Variants in NR3C2 observed in about 807,000 individuals in gnomAD.
The protein encoded by NR3C2 is mineralocorticoid receptor.
Under a neutral mutation model 86.4 loss-of-function variants are expected in NR3C2, and 15 were observed. That is an observed-to-expected ratio of 0.17 (90% CI 0.12 to 0.27). The LOEUF (loss-of-function observed/expected upper bound fraction) is 0.27, where lower values mean the gene tolerates loss of function less well. NR3C2 is among the 10% of genes least tolerant of loss of function. NR3C2 has a pLI of 1.00. For synonymous variants in NR3C2, 458 were observed against 450.5 expected (o/e 1.02, Z -0.21); for missense variants, 960 against 1,195.6 (o/e 0.80, Z 2.91).
chr4:148,305,348 A>G (rs1007484190), intron 2 of NR3C2, among the ~76,000 whole-genome samples: 29 of 152,172 alleles, frequency 1.9e-4, no homozygotes, highest in African/African-American at 6.8e-4. Flanking sequence ...AAAAAGCAGC[A>G]ACAGTCAGCC....
intron 4 of NR3C2, among the ~76,000 whole-genome samples, chr4:148,159,415 C>T (rs1578954703): frequency 6.6e-6 from 1 of 152,008 alleles, no homozygotes; most frequent in East Asian, 1.9e-4. Flanking sequence ...CTTAAAATAC[C>T]GTATCTAAAA....
At chr4:148,321,472 G>C (rs1743584652) in intron 2 of NR3C2, among the ~76,000 whole-genome samples, 3 of 151,832 alleles carry the variant, frequency 2.0e-5, no homozygotes, top group Admixed American at 1.3e-4. Context: ...AATGTTGACA[G>C]TGGGGTGTTA....
chr4:148,193,064 C>A (rs1179727560), intron 4 of NR3C2, among the ~76,000 whole-genome samples: 1 of 152,176 alleles, frequency 6.6e-6, no homozygotes, highest in African/African-American at 2.4e-5. Context: ...GGAGTTTTAC[C>A]CCCTGCTCCT....
chr4:148,271,893 A>T (rs1485442951), intron 2 of NR3C2, among the ~76,000 whole-genome samples: 1 of 152,088 alleles, frequency 6.6e-6, no homozygotes, highest in Non-Finnish European at 1.5e-5. Context: ...GCTAACTAGT[A>T]CCTCCCTCTT....
At chr4:148,283,999 T>C (rs1287334528) in intron 2 of NR3C2, among the ~76,000 whole-genome samples, 1 of 152,162 alleles carries the variant, frequency 6.6e-6, no homozygotes, top group Non-Finnish European at 1.5e-5. Context: ...CAGGAAAGAT[T>C]TTCTTGACCT....
At chr4:148,444,075 C>T, upstream of NR3C2, 1 of 985,418 alleles carries the variant, frequency 1.0e-6, no homozygotes, top group Non-Finnish European at 1.2e-6. Flanking sequence ...GCGCACTCTC[C>T]CGGCCCAGCG....
intron 4 of NR3C2, among the ~76,000 whole-genome samples, chr4:148,176,280 G>A (rs1470997397): frequency 2.6e-5 from 4 of 152,214 alleles, no homozygotes; most frequent in Non-Finnish European, 5.9e-5. Context: ...AGTTCAGGGA[G>A]CAACTCTGTC....
intron 2 of NR3C2, among the ~76,000 whole-genome samples, chr4:148,394,039 ACTC>A (rs1747729822): frequency 6.6e-6 from 1 of 151,968 alleles, no homozygotes; most frequent in South Asian, 2.1e-4. Context: ...CTCTTTGAAT[ACTC>A]CTGCTGCCAT....
rs1743938014 is a variant in NR3C2, at chr4:148,325,844, A to G, written c.1758-65727T>C. On this transcript the variant is annotated intron_variant, in intron 2 of 8. Coordinates refer to ENST00000358102, the MANE Select transcript of NR3C2 (RefSeq NM_000901.5). ...GAATCCTTACAGTAGATGTTATCCA[A>G]TATCTTGTTTTATTTTTTCCATTAA... is the stretch of plus-strand genomic sequence containing the variant. Among the ~76,000 whole-genome samples, 6 of 152,098 alleles carry G rather than the reference A, an allele frequency of 3.9e-5. 1 individual carries two copies. In the South Asian group the frequency reaches 1.2e-3, roughly 32 times the overall value.
chr4:148,140,460 G>A (rs148193139), intron 6 of NR3C2, among the ~76,000 whole-genome samples: 64 of 152,310 alleles, frequency 4.2e-4, no homozygotes, highest in African/African-American at 1.3e-3. Context: ...CCTGAGCCCA[G>A]GAGATTGAGG....
chr4:148,323,128 A>G (rs534375940), intron 2 of NR3C2, among the ~76,000 whole-genome samples: 135 of 149,682 alleles, frequency 9.0e-4, no homozygotes, highest in East Asian at 2.8e-3. Flanking sequence ...GTCTGTTGGA[A>G]TACCCTGCCC....
chr4:148,236,328 T>C (rs1738749337), intron 3 of NR3C2, among the ~76,000 whole-genome samples: 2 of 152,226 alleles, frequency 1.3e-5, no homozygotes, highest in South Asian at 2.1e-4. Context: ...GTGTCAGCTC[T>C]AGAAATCAGC....
intron 2 of NR3C2, among the ~76,000 whole-genome samples, chr4:148,343,680 A>G (rs1744859218): frequency 6.6e-6 from 1 of 152,126 alleles, no homozygotes; most frequent in African/African-American, 2.4e-5. Context: ...AACTCCCCCT[A>G]AGAATCATTT....
At chr4:148,323,588 G>A (rs1411507702) in intron 2 of NR3C2, among the ~76,000 whole-genome samples, 1 of 151,946 alleles carries the variant, frequency 6.6e-6, no homozygotes, top group Non-Finnish European at 1.5e-5. Flanking sequence ...GTGGTGCGCC[G>A]TTTTTTCAGC....
chr4:148,225,032 C>G (rs2050987031), intron 3 of NR3C2, among the ~76,000 whole-genome samples: 1 of 152,176 alleles, frequency 6.6e-6, no homozygotes, highest in Non-Finnish European at 1.5e-5. Flanking sequence ...GGAATTATAA[C>G]TTCAGCGAGG....
At chr4:148,110,890 T>C (rs1014443470) in intron 8 of NR3C2, among the ~76,000 whole-genome samples, 9 of 152,264 alleles carry the variant, frequency 5.9e-5, no homozygotes, top group Admixed American at 4.6e-4. Flanking sequence ...ATAGTAATGC[T>C]AGAAGGAAAC....
At chr4:148,334,437 C>T (rs13118302) in intron 2 of NR3C2, among the ~76,000 whole-genome samples, 99,008 of 152,080 alleles carry the variant, frequency 0.65, 33,759 homozygotes, top group Non-Finnish European at 0.75. Context: ...CAGCTACTCA[C>T]AAGGCTGAGG....
intron 6 of NR3C2, among the ~76,000 whole-genome samples, chr4:148,122,029 G>A (rs1732527650): frequency 6.9e-6 from 1 of 145,290 alleles, no homozygotes; most frequent in South Asian, 2.2e-4. Context: ...AGCAGAGCAT[G>A]AGCGTGCCCT....
rs146843800 is a variant in NR3C2, at chr4:148,122,790, C to T, written c.2511-2502G>A. Among the ~76,000 whole-genome samples, 823 of 152,300 alleles carry T rather than the reference C, an allele frequency of 5.4e-3. 10 individuals are homozygous for T. Among genetic ancestry groups the T allele is most frequent in the African/African-American group, 0.019 (779 of 41,546 alleles). ...GTCTTTAATCTCTTAATCCTGTTATCTTTGTAAGCTGAGGATGTATGTCAC... is the reference window on the plus strand; with the variant it reads ...GTCTTTAATCTCTTAATCCTGTTATTTTTGTAAGCTGAGGATGTATGTCAC... On this transcript the variant is annotated intron_variant, in intron 6 of 8. Transcript: ENST00000358102.
Sources: allele counts gnomAD v4.1 joint callset (sites outside exome capture counted in the v4.1 genomes callset), GRCh38; gene constraint gnomAD v4.1.1; transcripts MANE v1.5; gene names NCBI Gene and HGNC (gene_info 2026-07-23, HGNC 2026-07-21).